EPG5: variants seen among roughly 807,000 people sequenced by gnomAD.
EPG5 encodes ectopic P-granules 5 autophagy tethering factor, also known as ectopic P granules protein 5 homolog.
A neutral mutation model predicts 302.7 loss-of-function variants in EPG5; 159 were observed. The observed-to-expected ratio is 0.53, with a 90% CI of 0.46 to 0.60. EPG5 has a LOEUF of 0.60. Among genes scored for constraint, EPG5 ranks in the 20% least tolerant of loss-of-function variants. The probability of loss-of-function intolerance (pLI) is 0.00; values close to 1 mark genes in which losing one functional copy is unlikely to be tolerated. For missense variants in EPG5, 2,896 were observed against 3,092.4 expected (o/e 0.94, Z 1.51); for synonymous variants, 1,158 against 1,136.8 (o/e 1.02, Z -0.37).
At position 45,955,174 on chromosome 18, in the gene EPG5, A is replaced by G; in HGVS notation, c.228T>C (p.Asn76=). Residue 76 remains asparagine, a synonymous_variant, in exon 2 of 44, where the codon AAT becomes AAC. Coordinates refer to ENST00000282041, the MANE Select transcript of EPG5 (RefSeq NM_020964.3). The part of the protein sequence containing the change: ...SQLQDDASGQ[N]ESEMFDVPLT... Reference sequence around the variant, plus strand: ...GTGGTACATCAAACATTTCACTCTCATTTTGTCCACTGGCATCATCCTGGA... The same window carrying G: ...GTGGTACATCAAACATTTCACTCTCGTTTTGTCCACTGGCATCATCCTGGA... 6.2e-7 allele frequency: 1 copy of G among 1,614,060 alleles called. No homozygotes were observed. The highest frequency in any genetic ancestry group is 1.1e-5 in the South Asian group (1 of 91,078).
chr18:45,835,355 C>T, the EPG5 span, among the ~76,000 whole-genome samples: 1 of 152,172 alleles, frequency 6.6e-6, no homozygotes, highest in Non-Finnish European at 1.5e-5. Context: ...TGGTAATTAG[C>T]TATTTAAGGT....
At chr18:45,855,518 G>A in intron 43 of EPG5, 55 bp downstream of exon 43, 1 of 1,314,358 alleles carries the variant, frequency 7.6e-7, no homozygotes, top group Non-Finnish European at 1.1e-6. Flanking sequence ...CCACCTCCCT[G>A]CCTTCTAGGG....
rs2049067717 is a variant in EPG5 at position 45,880,206 on chromosome 18, G to A, written c.5536C>T (p.Leu1846=). 1 of 1,602,536 alleles carries A rather than the reference G, an allele frequency of 6.2e-7. No individual in the cohort carries two copies. Residue 1846 remains leucine (L), a synonymous_variant, in exon 32 of 44, where the codon CTG becomes TTG. Transcript: ENST00000282041. ...LLMQSSAEQL[L]SPECWKATLR... is the part of the protein sequence containing the mutation. The stretch of plus-strand genomic sequence containing the variant: ...GTGGCCTTCCAACACTCGGGGCTCA[G>A]AAGCTGCTCCGCGGAGCCTGCCAGC...
the EPG5 span, among the ~76,000 whole-genome samples, chr18:45,835,978 G>C: frequency 6.6e-6 from 1 of 152,186 alleles, no homozygotes; most frequent in African/African-American, 2.4e-5. Context: ...ATGAGAAAGC[G>C]ATGTGCACAC....
chr18:45,916,050 G>C lies in EPG5; in HGVS notation c.3541C>G (p.Gln1181Glu). Residue 1181 changes from glutamine to glutamate, a missense_variant, in exon 19 of 44, where the codon CAG becomes GAG. Physicochemically the swap from Gln to Glu is conservative, Grantham distance 29. Around this residue, in one of 5 missense-constraint regions of EPG5, gnomAD observed 1,390 missense variants for 1,430.0 expected, o/e 0.97. Coordinates refer to ENST00000282041, the MANE Select transcript of EPG5 (RefSeq NM_020964.3). ...HLCKAAFQLM[Q>E]EDCIQKLLYQ... ...AGTAATTTCTGTATGCAGTCTTCCT[G>C]CATCAGCTGAAAAGCTGCTTTACAC... is the stretch of plus-strand genomic sequence containing the variant. The C allele has an allele frequency of 6.2e-7, 1 of 1,613,826 alleles. No homozygotes were observed. Among genetic ancestry groups the C allele is most frequent in the South Asian group, 1.1e-5 (1 of 91,044 alleles).
At chr18:45,864,036 T>G (rs2048689300) in intron 39 of EPG5, among the ~76,000 whole-genome samples, 1 of 152,186 alleles carries the variant, frequency 6.6e-6, no homozygotes, top group African/African-American at 2.4e-5. Context: ...CTTCTGGAAT[T>G]CTACTTGGAT....
intron 43 of EPG5, among the ~76,000 whole-genome samples, chr18:45,854,702 A>C (rs2048478885): frequency 6.6e-6 from 1 of 152,160 alleles, no homozygotes; most frequent in Non-Finnish European, 1.5e-5. Context: ...TCTACAAAAA[A>C]AATTTTTAAT....
intron 15 of EPG5, among the ~76,000 whole-genome samples, 158 bp from the exon 16 acceptor site, chr18:45,922,758 A>G (rs2050186972): frequency 6.6e-6 from 1 of 152,164 alleles, no homozygotes; most frequent in African/African-American, 2.4e-5. Flanking sequence ...CATCAAAGCA[A>G]TTTTTCACTC....
rs567983156 is a variant in EPG5 at position 45,967,204 on chromosome 18, C to T, written c.36G>A (p.Lys12=). The change falls in exon 1 of 44, where the codon AAG becomes AAA. Residue 12 remains lysine (K), a synonymous_variant. Transcript: ENST00000282041. ...AEAVKPQRRA[K]AKASRTKTKE... Reference sequence around the variant, plus strand: ...TTGTTTTAGTCCGGCTGGCCTTGGCCTTGGCCCGGCGCTGGGGCTTCACCG... The same window carrying T: ...TTGTTTTAGTCCGGCTGGCCTTGGCTTTGGCCCGGCGCTGGGGCTTCACCG... 1.1e-5 allele frequency: 17 copies of T among 1,605,826 alleles called. No homozygotes were observed. In the East Asian group the frequency reaches 3.6e-4, roughly 34 times the overall value.
chr18:45,888,592 A>T (rs1417868973), intron 28 of EPG5, among the ~76,000 whole-genome samples: 1 of 152,118 alleles, frequency 6.6e-6, no homozygotes, highest in Non-Finnish European at 1.5e-5. Context: ...GGCATGAGCC[A>T]CCGCACCTGG....
intron 2 of EPG5, chr18:45,953,577 C>A (rs1272897073): frequency 7.1e-6 from 7 of 985,248 alleles, no homozygotes; most frequent in Admixed American, 6.2e-5. Context: ...TGCCATCTCT[C>A]CTAAGCCACT....
chr18:45,840,333 A>T, the EPG5 span: 1 of 1,423,486 alleles, frequency 7.0e-7, no homozygotes, highest in Non-Finnish European at 9.6e-7. Context: ...ATAAATGGCA[A>T]AGGGCTGGGG....
intron 1 of EPG5, 140 bp downstream of exon 1, chr18:45,967,037 G>A (rs1334491509): frequency 2.6e-6 from 2 of 758,290 alleles, no homozygotes; most frequent in Non-Finnish European, 2.1e-6. Context: ...AACGGGTGGT[G>A]GGATCAAATA....
Position 45,967,293 on chromosome 18 carries a change from A to C in EPG5, c.-54T>G, listed in dbSNP as rs2143991234. ...GTTTTTGTCAAACCCCTGCGCTTCA[A>C]GCAACCTGCCCGGTTCTGGCCTCCG... On this transcript the variant is annotated 5_prime_UTR_variant, in exon 1 of 44. Transcript: ENST00000282041. 2.0e-6 allele frequency: 3 copies of C among 1,500,782 alleles called. No homozygotes were observed. In the South Asian group the frequency reaches 3.8e-5, roughly 19 times the overall value. The allele number at this position is 1,500,782 out of a possible 1,614,324, so 93.0% of individuals were successfully genotyped here. A position where few individuals can be genotyped will look rare whatever the true frequency, so the allele number is the denominator to read the frequency against.
chr18:45,938,117 G>T (rs1390553985), intron 10 of EPG5, among the ~76,000 whole-genome samples: 2 of 152,108 alleles, frequency 1.3e-5, no homozygotes, highest in East Asian at 3.9e-4. Context: ...AACAGGATTT[G>T]GTGCATCTCA....
the EPG5 span, among the ~76,000 whole-genome samples, chr18:45,817,733 C>T: frequency 1.3e-5 from 2 of 152,234 alleles, no homozygotes; most frequent in African/African-American, 4.8e-5. Flanking sequence ...CAGCTGGCTT[C>T]CTCCAGAGTA....
chr18:45,860,925 T>C (rs1002970240), intron 39 of EPG5, among the ~76,000 whole-genome samples: 1 of 152,134 alleles, frequency 6.6e-6, no homozygotes, highest in Non-Finnish European at 1.5e-5. Context: ...TCAAAAAAAA[T>C]TGGAGGTAAA....
chr18:45,883,175 T>C (rs945107998), intron 30 of EPG5, among the ~76,000 whole-genome samples: 2 of 152,218 alleles, frequency 1.3e-5, no homozygotes, highest in African/African-American at 4.8e-5. Context: ...AATTTTATAC[T>C]GTTCCTCAGA....
intron 27 of EPG5, among the ~76,000 whole-genome samples, chr18:45,890,865 C>T (rs567065793): frequency 6.6e-6 from 1 of 152,204 alleles, no homozygotes; most frequent in African/African-American, 2.4e-5. Flanking sequence ...TTGCAGAGTG[C>T]AGTAAAATCA....
Sources: allele counts gnomAD v4.1 joint callset (sites outside exome capture counted in the v4.1 genomes callset), GRCh38; gene constraint gnomAD v4.1.1; regional missense constraint gnomAD v4.1.1; transcripts MANE v1.5; gene names NCBI Gene and HGNC (gene_info 2026-07-23, HGNC 2026-07-21).